Variants in CCDC91 observed in about 807,000 individuals in gnomAD.
CCDC91 encodes the protein coiled-coil domain containing 91.
In CCDC91, 48 loss-of-function variants were observed where a neutral mutation model predicts 63.2. The observed-to-expected ratio is 0.76, with a 90% confidence interval of 0.60 to 0.97. The LOEUF (loss-of-function observed/expected upper bound fraction) is 0.97, where lower values mean the gene tolerates loss of function less well. Among genes scored for constraint, CCDC91 ranks in the 50% least tolerant of loss-of-function variants. The probability of loss-of-function intolerance (pLI) is 0.00; values close to 1 mark genes in which losing one functional copy is unlikely to be tolerated. For missense variants in CCDC91, 500 were observed against 494.6 expected, an observed-to-expected ratio of 1.01 and a Z score of -0.10; for synonymous variants, 167 against 165.8, an observed-to-expected ratio of 1.01 and a Z score of -0.06.
At chr12:28,490,698 A>T (rs1233475510) in intron 12 of CCDC91, among the ~76,000 whole-genome samples, 4 of 151,912 alleles carry the variant, frequency 2.6e-5, no homozygotes, top group Non-Finnish European at 5.9e-5. Context: ...TATAATTATG[A>T]TTTTAAAACT....
At chr12:28,394,323 G>A (rs760988019) in intron 8 of CCDC91, among the ~76,000 whole-genome samples, 53 of 152,148 alleles carry the variant, frequency 3.5e-4, no homozygotes, top group Non-Finnish European at 6.6e-4. Flanking sequence ...AAAATTAGCC[G>A]GGTGTGGTGG....
intron 12 of CCDC91, among the ~76,000 whole-genome samples, chr12:28,534,130 C>G (rs1941965332): frequency 6.6e-6 from 1 of 152,130 alleles, no homozygotes; most frequent in Non-Finnish European, 1.5e-5. Context: ...TGGAGCTAGA[C>G]ACTTACATGT....
chr12:28,483,911 A>G (rs775700078), intron 11 of CCDC91, 141 bp from the exon 12 acceptor site: 15 of 493,350 alleles, frequency 3.0e-5, no homozygotes, highest in Non-Finnish European at 4.4e-5. Flanking sequence ...AAGATTCTGT[A>G]AGTTCTTATT....
intron 6 of CCDC91, among the ~76,000 whole-genome samples, chr12:28,333,932 C>A (rs551680477): frequency 6.6e-6 from 1 of 151,842 alleles, no homozygotes. Flanking sequence ...GAGTTATTAC[C>A]TTTTAAAAAA....
At chr12:28,193,199 C>T (rs148934502) in intron 1 of CCDC91, among the ~76,000 whole-genome samples, 164 of 152,274 alleles carry the variant, frequency 1.1e-3, no homozygotes, top group East Asian at 1.9e-3. Context: ...ATGTGCTGTT[C>T]TTTGTACATT....
intron 1 of CCDC91, among the ~76,000 whole-genome samples, chr12:28,196,085 A>G (rs1382254626): frequency 3.3e-5 from 5 of 152,246 alleles, no homozygotes; most frequent in African/African-American, 1.2e-4. Context: ...AGCCTCTGCA[A>G]CAGAGAGAGC....
At chr12:28,510,593 G>A (rs1387768123) in intron 12 of CCDC91, among the ~76,000 whole-genome samples, 4 of 151,852 alleles carry the variant, frequency 2.6e-5, no homozygotes, top group Non-Finnish European at 2.9e-5. Context: ...GTCTACTGAT[G>A]TAAATGTTAA....
At chr12:28,518,985 GCT>G (rs769396280) in intron 12 of CCDC91, among the ~76,000 whole-genome samples, 1 of 151,648 alleles carries the variant, frequency 6.6e-6, no homozygotes, top group South Asian at 2.1e-4. Flanking sequence ...TTATTTCTGG[GCT>G]CTCTATTTTG....
chr12:28,232,114 A>G (rs1296560763), intron 1 of CCDC91, among the ~76,000 whole-genome samples: 1 of 152,164 alleles, frequency 6.6e-6, no homozygotes, highest in Non-Finnish European at 1.5e-5. Flanking sequence ...ATGGTGGATC[A>G]TTTTATATAT....
At chr12:28,199,232 A>G (rs1407422405) in intron 1 of CCDC91, among the ~76,000 whole-genome samples, 2 of 151,958 alleles carry the variant, frequency 1.3e-5, no homozygotes, top group Admixed American at 6.6e-5. Flanking sequence ...CTTTTACTAA[A>G]TATTTTTTGA....
chr12:28,267,854 A>AATATATAATT (rs1419042333), intron 3 of CCDC91, among the ~76,000 whole-genome samples: 2 of 52,684 alleles, frequency 3.8e-5, no homozygotes, highest in African/African-American at 1.5e-4. Flanking sequence ...ATTATATAGT[A>AATATATAATT]ATATATAATT....
intron 3 of CCDC91, among the ~76,000 whole-genome samples, chr12:28,303,610 A>G (rs1267852903): frequency 2.0e-5 from 3 of 152,286 alleles, no homozygotes; most frequent in South Asian, 2.1e-4. Flanking sequence ...TCACAGCCAC[A>G]TATATACCTT....
chr12:28,418,788 A>G (rs1399487294), intron 8 of CCDC91, among the ~76,000 whole-genome samples: 2 of 152,134 alleles, frequency 1.3e-5, no homozygotes, highest in African/African-American at 2.4e-5. Flanking sequence ...TTGTTATTAT[A>G]TGCAGCCACA....
At chr12:28,472,501 GA>G (rs1950871809) in intron 11 of CCDC91, among the ~76,000 whole-genome samples, 1 of 152,144 alleles carries the variant, frequency 6.6e-6, no homozygotes, top group South Asian at 2.1e-4. Context: ...TAGATCTAAT[GA>G]AAAGAGGAGA....
At chr12:28,438,048 G>A (rs1949000165) in intron 8 of CCDC91, among the ~76,000 whole-genome samples, 1 of 152,122 alleles carries the variant, frequency 6.6e-6, no homozygotes, top group South Asian at 2.1e-4. Context: ...TAGAGTGTAA[G>A]GATGTTTATG....
At chr12:28,367,065 A>G (rs912184323) in intron 7 of CCDC91, among the ~76,000 whole-genome samples, 1 of 152,184 alleles carries the variant, frequency 6.6e-6, no homozygotes, top group Non-Finnish European at 1.5e-5. Context: ...AAAAATACTT[A>G]TATAATACTC....
At chr12:28,471,710 G>A (rs1950823185) in intron 11 of CCDC91, among the ~76,000 whole-genome samples, 1 of 151,858 alleles carries the variant, frequency 6.6e-6, no homozygotes, top group Admixed American at 6.6e-5. Flanking sequence ...ATTTACTCAG[G>A]CCAATATAAT....
At chr12:28,399,933 C>T (rs534704458) in intron 8 of CCDC91, among the ~76,000 whole-genome samples, 19 of 152,144 alleles carry the variant, frequency 1.2e-4, no homozygotes, top group Admixed American at 7.2e-4. Flanking sequence ...CTTTTCCAGG[C>T]GCACAGTGTA....
At chr12:28,231,540 T>G in intron 1 of CCDC91, among the ~76,000 whole-genome samples, 1 of 152,202 alleles carries the variant, frequency 6.6e-6, no homozygotes, top group East Asian at 1.9e-4. Flanking sequence ...TGGGTTTTCT[T>G]TGTATTTTAA....
Sources: allele counts gnomAD v4.1 joint callset (sites outside exome capture counted in the v4.1 genomes callset), GRCh38; gene constraint gnomAD v4.1.1; transcripts MANE v1.5; gene names NCBI Gene and HGNC (gene_info 2026-07-23, HGNC 2026-07-21).